The following SHC3 variants were observed in gnomAD, a reference collection of about 807,000 sequenced individuals.
SHC3 encodes the protein SHC adaptor protein 3, also known as SHC-transforming protein 3.
Under a neutral mutation model 60.4 loss-of-function variants are expected in SHC3, and 15 were observed. The ratio of observed to expected loss-of-function variants is 0.25; its 90% CI spans 0.17 to 0.38. The LOEUF is 0.38. Ranked by LOEUF, SHC3 falls within the 10% of genes least tolerant of loss-of-function variation. SHC3 has a pLI of 1.00. For synonymous variants in SHC3, 294 were observed against 325.9 expected (o/e 0.90, Z 1.05); for missense variants, 677 against 786.1 (o/e 0.86, Z 1.66).
At chr9:89,068,206 AC>A (rs1825213948) in intron 5 of SHC3, among the ~76,000 whole-genome samples, 1 of 151,828 alleles carries the variant, frequency 6.6e-6, no homozygotes, top group African/African-American at 2.4e-5. Context: ...ACTCCCCAAG[AC>A]CCCCTGTGCC....
At chr9:89,038,392 A>G (rs1824621176) in intron 10 of SHC3, 104 bp from the exon 11 acceptor site, 3 of 1,271,700 alleles carry the variant, frequency 2.4e-6, no homozygotes, top group Admixed American at 2.8e-5. Flanking sequence ...TGCAAAGGCA[A>G]CTCCTCCAGA....
At chr9:89,123,287 CA>C (rs1826117859) in intron 1 of SHC3, among the ~76,000 whole-genome samples, 1 of 152,052 alleles carries the variant, frequency 6.6e-6, no homozygotes. Context: ...TATTTTCCAC[CA>C]AAAAAGACCA....
intron 1 of SHC3, among the ~76,000 whole-genome samples, chr9:89,175,452 C>T (rs1826929123): frequency 6.6e-6 from 1 of 152,168 alleles, no homozygotes; most frequent in Admixed American, 6.5e-5. Context: ...TTAATGTTTC[C>T]TAGATGATCA....
chr9:89,149,248 G>A (rs1826512262), intron 1 of SHC3, among the ~76,000 whole-genome samples: 1 of 152,136 alleles, frequency 6.6e-6, no homozygotes, highest in Non-Finnish European at 1.5e-5. Flanking sequence ...TAGTGCACTA[G>A]GGCTCCTTCT....
chr9:89,069,359 G>A (rs1490860068), intron 5 of SHC3, among the ~76,000 whole-genome samples: 1 of 151,938 alleles, frequency 6.6e-6, no homozygotes, highest in African/African-American at 2.4e-5. Flanking sequence ...ATCTCAATAA[G>A]GACTTTCATC....
At chr9:89,031,074 T>A (rs1434870728) in intron 11 of SHC3, among the ~76,000 whole-genome samples, 1 of 152,108 alleles carries the variant, frequency 6.6e-6, no homozygotes, top group South Asian at 2.1e-4. Flanking sequence ...ATTTTAGAGA[T>A]GGGGTCTCAC....
intron 11 of SHC3, among the ~76,000 whole-genome samples, chr9:89,034,763 T>A (rs1327383702): frequency 6.6e-6 from 1 of 152,172 alleles, no homozygotes; most frequent in African/African-American, 2.4e-5. Context: ...TAAAACTCTA[T>A]CAAAAGACAC....
chr9:89,018,311 A>G (rs1587675690), intron 11 of SHC3, among the ~76,000 whole-genome samples: 1 of 2,898 alleles, frequency 3.5e-4, no homozygotes, highest in South Asian at 0.036. Context: ...ATGCAGCCAT[A>G]AAAAAAAGGA....
intron 11 of SHC3, among the ~76,000 whole-genome samples, chr9:89,022,103 AT>A (rs1160159731): frequency 6.6e-6 from 1 of 152,134 alleles, no homozygotes; most frequent in African/African-American, 2.4e-5. Context: ...GCCTCAGTTC[AT>A]TTTGCTGAGC....
chr9:89,032,348 A>C (rs1824504090), intron 11 of SHC3, among the ~76,000 whole-genome samples: 1 of 152,200 alleles, frequency 6.6e-6, no homozygotes, highest in African/African-American at 2.4e-5. Context: ...ATGTGCTCTT[A>C]AATGTGCAAT....
chr9:89,060,648 T>G (rs1825072365), intron 6 of SHC3, among the ~76,000 whole-genome samples: 1 of 151,720 alleles, frequency 6.6e-6, no homozygotes, highest in South Asian at 2.1e-4. Flanking sequence ...TCACAGAAGG[T>G]CCTGTGGGTG....
intron 1 of SHC3, among the ~76,000 whole-genome samples, chr9:89,168,681 T>C (rs1042750287): frequency 6.6e-5 from 10 of 152,206 alleles, no homozygotes; most frequent in Non-Finnish European, 8.8e-5. Context: ...TCCACTTGAC[T>C]GAGCCATGAG....
rs372827568 is a variant in SHC3 at position 89,178,428 on chromosome 9, C to G, written c.33G>C (p.Arg11Ser). 3 of 1,516,292 alleles carry G rather than the reference C, an allele frequency of 2.0e-6. No homozygotes were observed. The highest frequency in any genetic ancestry group is 1.4e-5 in the African/African-American group (1 of 69,608). The allele number at this position is 1,516,292 out of a possible 1,614,324, so 93.9% of individuals were successfully genotyped here. The change falls in exon 1 of 12, where the codon AGG becomes AGC. Residue 11 changes from arginine to serine, a missense_variant. Transcript: ENST00000375835. The surrounding 1 kb of genome is among the most constrained non-coding windows in gnomAD (Gnocchi z 6.9). ...CATCGACCGATGTCACCGAGTCATT[C>G]CTGAAGCGGTTATACTTGGTGCGTG... is the stretch of plus-strand genomic sequence containing the variant. MLPRTKYNRFRNDSVTSVDDL... is the reference protein window; with the variant it reads MLPRTKYNRFSNDSVTSVDDL...
In SHC3 at chr9:89,033,491, T is replaced by C. The variant is rs71510285; in HGVS notation, c.1656+4502A>G. 4.9e-3 allele frequency among the ~76,000 whole-genome samples: 743 copies of C among 152,328 alleles called. 5 individuals carry two copies. Among genetic ancestry groups the C allele is most frequent in the Non-Finnish European group, 7.0e-3 (474 of 68,026 alleles). On this transcript the variant is annotated intron_variant, in intron 11 of 11. Transcript: ENST00000375835. ...GTATGAGCTGATTCTAAAAATTTCG[T>C]TTCTGATTCTACATCTGCTAGTAGC...
Position 89,131,129 on chromosome 9 carries a change from C to T in SHC3, c.475-18503G>A, listed in dbSNP as rs533783641. 3.3e-5 allele frequency among the ~76,000 whole-genome samples: 5 copies of T among 152,238 alleles called. No homozygotes were observed. In the East Asian group the frequency reaches 9.6e-4, roughly 29 times the overall value. ...CTACCATCAGAGAATACTATAAACA[C>T]CTCTACTCAAATAAACTAAAAAATC... On this transcript the variant is annotated intron_variant, in intron 1 of 11. Transcript: ENST00000375835.
At chr9:89,071,113 GT>G in intron 5 of SHC3, 85 bp downstream of exon 5, 9 of 1,261,410 alleles carry the variant, frequency 7.1e-6, no homozygotes, top group Non-Finnish European at 1.0e-5. Context: ...CTTTTTTACA[GT>G]GTCTTGCAAG....
chr9:89,057,851 C>T (rs1053983854), intron 6 of SHC3, among the ~76,000 whole-genome samples: 5 of 152,126 alleles, frequency 3.3e-5, no homozygotes, highest in African/African-American at 1.2e-4. Flanking sequence ...AGAGTTTTTA[C>T]AGGTGTGGTT....
intron 2 of SHC3, chr9:89,109,368 C>T (rs1349529828): frequency 1.9e-5 from 18 of 961,456 alleles, no homozygotes; most frequent in Non-Finnish European, 1.6e-5. Flanking sequence ...CGAGGGTGCA[C>T]ACCCAGGCTC....
Position 89,178,699 on chromosome 9 carries a change from T to C in SHC3, c.-239A>G, listed in dbSNP as rs1161450924. On this transcript the variant is annotated 5_prime_UTR_variant, in exon 1 of 12. Coordinates refer to ENST00000375835, the MANE Select transcript of SHC3 (RefSeq NM_016848.6). This position sits in a 1 kb window ranked among gnomAD's most constrained non-coding sequence, Gnocchi z 6.9. ...AGACCGCTGCTTGGGGTTGCACGTT[T>C]GCTTTGCAAAAGTCATAGTTGCCTC... 1.0e-5 allele frequency: 4 copies of C among 398,938 alleles called. No homozygotes were observed. The South Asian group carries it at 2.3e-4, about 23-fold the overall frequency. 24.7% of individuals were successfully genotyped at this position (398,938 alleles called of 1,614,324 possible). A position where few individuals can be genotyped will look rare whatever the true frequency, so the allele number is the denominator to read the frequency against.
Sources: allele counts gnomAD v4.1 joint callset (sites outside exome capture counted in the v4.1 genomes callset), GRCh38; gene constraint gnomAD v4.1.1; non-coding constraint Gnocchi (gnomAD v3.1); transcripts MANE v1.5; gene names NCBI Gene and HGNC (gene_info 2026-07-23, HGNC 2026-07-21).